The following FGFR2 variants were observed in gnomAD, a reference collection of about 807,000 sequenced individuals.
FGFR2 encodes fibroblast growth factor receptor 2.
FGFR2 carries 19 observed loss-of-function variants against 95.9 expected under a neutral mutation model. The observed-to-expected ratio is 0.20, with a 90% CI of 0.14 to 0.29. The LOEUF is 0.29. Ranked by LOEUF, FGFR2 falls within the 10% of genes least tolerant of loss-of-function variation. FGFR2 has a pLI of 1.00. For missense variants in FGFR2, 707 were observed against 1,056.9 expected (o/e 0.67, Z 4.59); for synonymous variants, 392 against 393.3 (o/e 1.00, Z 0.04).
chr10:121,596,190 GGGA>G (rs534314720), intron 1 of FGFR2, among the ~76,000 whole-genome samples: 27 of 152,146 alleles, frequency 1.8e-4, no homozygotes, highest in Non-Finnish European at 3.2e-4. Flanking sequence ...GCCTGCACGC[GGGA>G]GGAGTTGTCA....
At chr10:121,506,679 G>C (rs919402552) in intron 9 of FGFR2, among the ~76,000 whole-genome samples, 1 of 152,192 alleles carries the variant, frequency 6.6e-6, no homozygotes, top group Non-Finnish European at 1.5e-5. Context: ...TAGGATGTGG[G>C]GAAGGCAGCT....
At chr10:121,553,236 G>A (rs1466517898) in intron 4 of FGFR2, among the ~76,000 whole-genome samples, 6 of 152,122 alleles carry the variant, frequency 3.9e-5, no homozygotes, top group African/African-American at 4.8e-5. Context: ...CAAAACTATC[G>A]AAGCCAGGAG....
chr10:121,521,657 A>T (rs1012212124), intron 6 of FGFR2, among the ~76,000 whole-genome samples: 4 of 152,160 alleles, frequency 2.6e-5, no homozygotes, highest in African/African-American at 9.7e-5. Flanking sequence ...AGAAAAAAAA[A>T]AAAAGACAAG....
In FGFR2 at chr10:121,517,892, T is replaced by C. The variant is rs757826074; in HGVS notation, c.940-429A>G. On this transcript the variant is annotated intron_variant, in intron 7 of 17. Coordinates refer to ENST00000358487, the MANE Select transcript of FGFR2 (RefSeq NM_000141.5). The surrounding 1 kb of genome is among the most constrained non-coding windows in gnomAD (Gnocchi z 4.7). ...GTGTTTTAAGACAACACACTGCACATAAGCCCAGATGGACACCTCACCCAT... is the reference window on the plus strand; with the variant it reads ...GTGTTTTAAGACAACACACTGCACACAAGCCCAGATGGACACCTCACCCAT... Among the ~76,000 whole-genome samples, 12 of 152,026 alleles carry C rather than the reference T, an allele frequency of 7.9e-5. No homozygotes were observed. The highest frequency in any genetic ancestry group is 1.5e-4 in the Non-Finnish European group (10 of 67,990).
At chr10:121,571,238 G>A (rs1054499117) in intron 2 of FGFR2, among the ~76,000 whole-genome samples, 9 of 143,950 alleles carry the variant, frequency 6.3e-5, no homozygotes, top group Non-Finnish European at 9.0e-5. Flanking sequence ...CTCGTGATAC[G>A]CCCACCTCAG....
At position 121,479,053 on chromosome 10, in the gene FGFR2, C is replaced by T. The variant is rs1844343379; in HGVS notation, c.*804G>A. The T allele has an allele frequency of 4.3e-6, 1 of 232,914 alleles. No homozygotes were observed. Among genetic ancestry groups the T allele is most frequent in the African/African-American group, 2.2e-5 (1 of 45,286 alleles). The allele number at this position is 232,914 out of a possible 1,614,324, so 14.4% of individuals were successfully genotyped here. A position where few individuals can be genotyped will look rare whatever the true frequency, so the allele number is the denominator to read the frequency against. On this transcript the variant is annotated 3_prime_UTR_variant, in exon 18 of 18. Transcript: ENST00000358487. ...ATCGTCTGACAGCAGCATTTAAACA[C>T]AAATAAATCAAAACTTCATTTTCCC...
chr10:121,516,699 G>T (rs1006979051), intron 8 of FGFR2, among the ~76,000 whole-genome samples: 55 of 152,212 alleles, frequency 3.6e-4, no homozygotes, highest in African/African-American at 1.2e-3. Flanking sequence ...GGGCTGCAAT[G>T]ATGTTTATTT....
intron 9 of FGFR2, among the ~76,000 whole-genome samples, chr10:121,508,132 G>C (rs539239478): frequency 2.6e-5 from 4 of 152,200 alleles, no homozygotes; most frequent in African/African-American, 9.6e-5. Context: ...TGGTATATTC[G>C]GGGTTGTTAG....
intron 16 of FGFR2, among the ~76,000 whole-genome samples, chr10:121,484,224 G>T (rs1208556079): frequency 3.3e-5 from 5 of 151,982 alleles, no homozygotes; most frequent in Non-Finnish European, 7.4e-5. Context: ...CCGGTGCTTT[G>T]GGTCTTAATG....
At chr10:121,577,588 T>G (rs949756656) in intron 2 of FGFR2, among the ~76,000 whole-genome samples, 1 of 152,114 alleles carries the variant, frequency 6.6e-6, no homozygotes, top group East Asian at 1.9e-4. Context: ...CAGGAACATG[T>G]CAAGGAGGAC....
rs200386134 is a variant in FGFR2, at chr10:121,565,613, G to T, written c.201C>A (p.Ala67=). 1 of 1,614,046 alleles carries T rather than the reference G, an allele frequency of 6.2e-7. No individual in the cohort carries two copies. The highest frequency in any genetic ancestry group is 1.3e-5 in the African/African-American group (1 of 74,912). Residue 67 remains alanine, a synonymous_variant, in exon 3 of 18, where the codon GCC becomes GCA. Transcript: ENST00000358487. ...CATCCTTAGTCCAACTGATCACGGCGGCATCTTTCAACAGGCAGCGCACCT... is the reference window on the plus strand; with the variant it reads ...CATCCTTAGTCCAACTGATCACGGCTGCATCTTTCAACAGGCAGCGCACCT... ...SLEVRCLLKD[A]AVISWTKDGV...
intron 4 of FGFR2, among the ~76,000 whole-genome samples, chr10:121,563,989 A>G (rs143449781): frequency 2.1e-4 from 32 of 152,184 alleles, no homozygotes; most frequent in Non-Finnish European, 3.2e-4. Context: ...CTTGGACCAG[A>G]TAATTCTTTG....
intron 4 of FGFR2, among the ~76,000 whole-genome samples, chr10:121,562,380 G>A (rs1252918263): frequency 2.0e-5 from 3 of 152,028 alleles, no homozygotes; most frequent in East Asian, 1.9e-4. Flanking sequence ...CGCATCCTGG[G>A]TTCAAGTGAT....
intron 4 of FGFR2, among the ~76,000 whole-genome samples, chr10:121,553,750 T>C (rs554575232): frequency 7.6e-4 from 116 of 152,318 alleles, no homozygotes; most frequent in Non-Finnish European, 1.6e-3. Context: ...CTTTTTTACA[T>C]AAAAGAAATC....
intron 9 of FGFR2, among the ~76,000 whole-genome samples, chr10:121,509,482 C>CTTTTTTTTTTTTTTTTT (rs67778522): frequency 4.4e-5 from 2 of 45,346 alleles, no homozygotes; most frequent in African/African-American, 1.7e-4. Context: ...TGTTTCTTTT[C>CTTTTTTTTTTTTTTTTT]TTTTTTTTTT....
In FGFR2 at chr10:121,496,519, G is replaced by A. The variant is rs1299716349; in HGVS notation, c.1863+13C>T. The A allele has an allele frequency of 1.9e-6, 3 of 1,613,714 alleles. No homozygotes were observed. Among genetic ancestry groups the A allele is most frequent in the African/African-American group, 2.7e-5 (2 of 74,926 alleles). On this transcript the variant is annotated intron_variant, in intron 13 of 17. Transcript: ENST00000358487. ...TGGATTCCACCCAGCCAAGTAGAAT[G>A]TGAAAGACTCACTTTTTGGGAAGCC... is the stretch of plus-strand genomic sequence containing the variant.
In FGFR2 at chr10:121,485,364, G is replaced by A. The variant is rs750509335; in HGVS notation, c.2195+31C>T. On this transcript the variant is annotated intron_variant, in intron 16 of 17. Transcript: ENST00000358487. The surrounding 1 kb of genome is among the most constrained non-coding windows in gnomAD (Gnocchi z 4.2). Reference sequence around the variant, plus strand: ...TATTACTGGTGTGGCAAGTCCACTGGGGCACCGGCAGGAAAGACAACAGCC... The same window carrying A: ...TATTACTGGTGTGGCAAGTCCACTGAGGCACCGGCAGGAAAGACAACAGCC... The A allele has an allele frequency of 6.2e-7, 1 of 1,613,894 alleles. No homozygotes were observed. Among genetic ancestry groups the A allele is most frequent in the Non-Finnish European group, 8.5e-7 (1 of 1,179,964 alleles).
At chr10:121,537,259 G>T (rs958345721) in intron 6 of FGFR2, among the ~76,000 whole-genome samples, 1 of 152,050 alleles carries the variant, frequency 6.6e-6, no homozygotes, top group South Asian at 2.1e-4. Flanking sequence ...TCAAATCTTC[G>T]AATAAACACT....
At chr10:121,524,598 C>T (rs1851075118) in intron 6 of FGFR2, among the ~76,000 whole-genome samples, 1 of 152,312 alleles carries the variant, frequency 6.6e-6, no homozygotes, top group South Asian at 2.1e-4. Context: ...CTTCAGCGAT[C>T]CACCACCCCT....
Sources: allele counts gnomAD v4.1 joint callset (sites outside exome capture counted in the v4.1 genomes callset), GRCh38; gene constraint gnomAD v4.1.1; non-coding constraint Gnocchi (gnomAD v3.1); transcripts MANE v1.5; gene names NCBI Gene and HGNC (gene_info 2026-07-23, HGNC 2026-07-21).